Variants in BCAR3 observed in about 807,000 individuals in gnomAD.
The protein encoded by BCAR3 is breast cancer anti-estrogen resistance protein 3.
Under a neutral mutation model 80.1 loss-of-function variants are expected in BCAR3, and 37 were observed. That is an observed-to-expected ratio of 0.46 (90% CI 0.36 to 0.61). BCAR3 has a LOEUF of 0.61. Among genes scored for constraint, BCAR3 ranks in the 20% least tolerant of loss-of-function variants. BCAR3 has a pLI of 0.00. For synonymous variants in BCAR3, 389 were observed against 418.9 expected (o/e 0.93, Z 0.87); for missense variants, 978 against 1,068.2 (o/e 0.92, Z 1.18).
chr1:93,702,904 G>C (rs1649696640), intron 3 of BCAR3, among the ~76,000 whole-genome samples: 1 of 152,210 alleles, frequency 6.6e-6, no homozygotes, highest in African/African-American at 2.4e-5. Context: ...CATGTCAGAG[G>C]CTTCAGACCT....
chr1:93,716,396 A>G (rs1390915525), intron 2 of BCAR3, among the ~76,000 whole-genome samples: 3 of 152,212 alleles, frequency 2.0e-5, no homozygotes, highest in African/African-American at 7.2e-5. Flanking sequence ...TGCCACTAAT[A>G]TTGTTTGTAA....
intron 2 of BCAR3, among the ~76,000 whole-genome samples, chr1:93,770,766 AG>A (rs1652332218): frequency 6.6e-6 from 1 of 152,186 alleles, no homozygotes; most frequent in Admixed American, 6.5e-5. Context: ...GGGGCAATAG[AG>A]TACCCACCAG....
chr1:93,674,107 T>C (rs1015292405), intron 2 of BCAR3, among the ~76,000 whole-genome samples: 1 of 152,220 alleles, frequency 6.6e-6, no homozygotes, highest in African/African-American at 2.4e-5. Context: ...TGAAATAATA[T>C]GAAATCTGAG....
intron 2 of BCAR3, among the ~76,000 whole-genome samples, chr1:93,648,545 T>C (rs778995121): frequency 6.6e-6 from 1 of 152,216 alleles, no homozygotes; most frequent in Non-Finnish European, 1.5e-5. Context: ...TTTCGTTAAC[T>C]GGCTAAAGAG....
chr1:93,629,033 AC>A (rs1455932113), intron 3 of BCAR3, among the ~76,000 whole-genome samples: 3 of 152,238 alleles, frequency 2.0e-5, no homozygotes, highest in Non-Finnish European at 4.4e-5. Context: ...GGAGGCCCAT[AC>A]GTTTAATATG....
intron 2 of BCAR3, among the ~76,000 whole-genome samples, chr1:93,766,589 C>T (rs1250260020): frequency 6.6e-6 from 1 of 152,276 alleles, no homozygotes; most frequent in Non-Finnish European, 1.5e-5. Flanking sequence ...CCACAGCACA[C>T]ATCCAGCCTG....
chr1:93,731,970 G>A (rs1557669250), intron 2 of BCAR3, among the ~76,000 whole-genome samples: 1 of 152,226 alleles, frequency 6.6e-6, no homozygotes, highest in African/African-American at 2.4e-5. Context: ...AGGCTCAGAG[G>A]TGGGCCTGGC....
At chr1:93,799,425 T>A (rs1055767935) in intron 2 of BCAR3, among the ~76,000 whole-genome samples, 56 of 152,212 alleles carry the variant, frequency 3.7e-4, no homozygotes, top group African/African-American at 1.3e-3. Flanking sequence ...AAAGAAAAAT[T>A]GGGTAACTAA....
intron 3 of BCAR3, among the ~76,000 whole-genome samples, chr1:93,692,956 C>T (rs1265639730): frequency 2.0e-5 from 3 of 152,150 alleles, no homozygotes; most frequent in Non-Finnish European, 4.4e-5. Flanking sequence ...ACAGTCAAGC[C>T]TCTACATACA....
At chr1:93,756,426 G>A (rs1651751628) in intron 2 of BCAR3, among the ~76,000 whole-genome samples, 1 of 152,122 alleles carries the variant, frequency 6.6e-6, no homozygotes, top group African/African-American at 2.4e-5. Context: ...GACACGAATG[G>A]CTGGTGCTTC....
intron 3 of BCAR3, among the ~76,000 whole-genome samples, chr1:93,609,880 T>C (rs777622361): frequency 2.0e-5 from 3 of 152,254 alleles, no homozygotes; most frequent in Non-Finnish European, 4.4e-5. Flanking sequence ...GCAAAGGCTC[T>C]GCCTCCCTGC....
chr1:93,585,020 AG>A (rs1673885981), intron 5 of BCAR3: 2 of 985,410 alleles, frequency 2.0e-6, no homozygotes, highest in Non-Finnish European at 2.4e-6. Context: ...CCAAACTCCA[AG>A]GAACAGAGAA....
At chr1:93,764,324 C>A (rs1383871310) in intron 2 of BCAR3, among the ~76,000 whole-genome samples, 1 of 152,070 alleles carries the variant, frequency 6.6e-6, no homozygotes, top group African/African-American at 2.4e-5. Flanking sequence ...TCCCATTCAG[C>A]CATTCTTAGG....
chr1:93,732,535 C>T (rs563416626), intron 2 of BCAR3, among the ~76,000 whole-genome samples: 9 of 151,862 alleles, frequency 5.9e-5, no homozygotes, highest in Middle Eastern at 3.2e-3. Flanking sequence ...AAGCATCACT[C>T]GAACCTGGGA....
intron 2 of BCAR3, among the ~76,000 whole-genome samples, chr1:93,777,608 G>C (rs1652621223): frequency 1.3e-5 from 2 of 151,508 alleles, no homozygotes; most frequent in African/African-American, 4.9e-5. Context: ...TTTTTTTGTA[G>C]AGATGGGGGT....
In BCAR3 at chr1:93,710,962, T is replaced by G. The variant is rs375168662; in HGVS notation, c.-62-4820A>C. Among the ~76,000 whole-genome samples the G allele has an allele frequency of 8.7e-4, 132 of 152,326 alleles. 1 individual carries two copies. The highest frequency in any genetic ancestry group is 3.1e-3 in the African/African-American group (127 of 41,574). On this transcript the variant is annotated intron_variant, in intron 2 of 13. Coordinates refer to the BCAR3 transcript ENST00000370244. ...TAGGATCTCCTGCCACGCTCACTCATTGTGGACCTCAGTGCCTCTCAGGCT... is the reference window on the plus strand; with the variant it reads ...TAGGATCTCCTGCCACGCTCACTCAGTGTGGACCTCAGTGCCTCTCAGGCT...
At chr1:93,640,426 A>G (rs570911571) in intron 3 of BCAR3, among the ~76,000 whole-genome samples, 101 of 152,326 alleles carry the variant, frequency 6.6e-4, no homozygotes, top group African/African-American at 2.4e-3. Flanking sequence ...AAGAAAAAAA[A>G]AAGTGGTGCA....
chr1:93,780,985 T>G (rs1259957839), intron 2 of BCAR3, among the ~76,000 whole-genome samples: 3 of 152,194 alleles, frequency 2.0e-5, no homozygotes, highest in East Asian at 3.9e-4. Context: ...GGGGCTGGCT[T>G]GAACAAAAGG....
intron 2 of BCAR3, among the ~76,000 whole-genome samples, chr1:93,722,204 A>G (rs1487213318): frequency 1.3e-5 from 2 of 152,188 alleles, no homozygotes; most frequent in Non-Finnish European, 2.9e-5. Flanking sequence ...ACCGGATCCC[A>G]TGCACTCATA....
Sources: gnomAD v4.1 joint callset for allele counts (sites outside exome capture counted in the v4.1 genomes callset) on GRCh38, gnomAD v4.1.1 for gene constraint, MANE v1.5 for transcripts, NCBI Gene and HGNC (gene_info 2026-07-23, HGNC 2026-07-21) for gene names.